Variants in ZPBP observed in about 807,000 individuals in gnomAD.
ZPBP encodes zona pellucida-binding protein 1.
Under a neutral mutation model 44.8 loss-of-function variants are expected in ZPBP, and 26 were observed. That is an observed-to-expected ratio of 0.58 (90% CI 0.43 to 0.81). ZPBP has a LOEUF of 0.81. Ranked by LOEUF, ZPBP falls within the 30% of genes least tolerant of loss-of-function variation. The pLI, the probability that ZPBP is intolerant of heterozygous loss-of-function variation, is 0.00. For missense variants in ZPBP, 409 were observed against 434.0 expected, an observed-to-expected ratio of 0.94 and a Z score of 0.51; for synonymous variants, 174 against 153.2, an observed-to-expected ratio of 1.14 and a Z score of -1.00.
rs200921057 is a variant in ZPBP, at chr7:50,089,677, G to A, written c.160C>T (p.Arg54Cys). 1.6e-5 allele frequency: 25 copies of A among 1,611,218 alleles called. No homozygotes were observed. The highest frequency in any genetic ancestry group is 4.4e-5 in the South Asian group (4 of 90,688). ...ATTTTCACTGAATCTTTGGTCAAGC[G>A]AAAAGCTCTTGGTAATCGAACCAAG... ...GHLVRLPRAF[R>C]LTKDSVKIVG... Residue 54 changes from arginine (R) to cysteine (C), a missense_variant, in exon 2 of 8, where the codon CGC becomes TGC. Coordinates refer to ENST00000046087, the MANE Select transcript of ZPBP (RefSeq NM_007009.3).
chr7:49,980,204 TGTTATATAATATAAA>T (rs1156990197), intron 7 of ZPBP, among the ~76,000 whole-genome samples: 3 of 118,962 alleles, frequency 2.5e-5, no homozygotes, highest in Non-Finnish European at 4.8e-5. Context: ...TTATGTTATA[TGTTATATAATATAAA>T]ATTATATAAT....
chr7:49,985,114 T>C lies in ZPBP; in HGVS notation c.784-1595A>G, dbSNP rs115392157. ...TGATGGAATGGTACCCTGTCCAGCG[T>C]TGGTTCCCACCTTGAGCGCTGAGCT... On this transcript the variant is annotated intron_variant, in intron 6 of 7. Coordinates refer to ENST00000046087, the MANE Select transcript of ZPBP (RefSeq NM_007009.3). Among the ~76,000 whole-genome samples, 1,159 of 152,326 alleles carry C rather than the reference T, an allele frequency of 7.6e-3. 24 individuals are homozygous for C. The highest frequency in any genetic ancestry group is 0.026 in the African/African-American group (1,093 of 41,566).
At chr7:50,077,100 C>T (rs570979327) in intron 3 of ZPBP, among the ~76,000 whole-genome samples, 3 of 151,728 alleles carry the variant, frequency 2.0e-5, no homozygotes, top group Non-Finnish European at 4.4e-5. Flanking sequence ...ATCCACACAT[C>T]TACGGTGAAT....
chr7:50,029,919 G>A (rs1299687750), intron 5 of ZPBP, among the ~76,000 whole-genome samples: 2 of 152,134 alleles, frequency 1.3e-5, no homozygotes, highest in East Asian at 1.9e-4. Flanking sequence ...GCAGTGGCAC[G>A]ATCTCGGCTC....
At chr7:49,896,539 G>A (rs980034262) in intron 2 of ZPBP, among the ~76,000 whole-genome samples, 5 of 152,134 alleles carry the variant, frequency 3.3e-5, no homozygotes, top group Admixed American at 6.6e-5. Flanking sequence ...TAGTAAAGAT[G>A]AGAACAAAAA....
intron 2 of ZPBP, among the ~76,000 whole-genome samples, chr7:49,893,041 A>T (rs1355825913): frequency 3.9e-5 from 6 of 152,208 alleles, no homozygotes; most frequent in African/African-American, 1.4e-4. Flanking sequence ...CTATATTGGA[A>T]TATGAACTTT....
At chr7:49,856,229 T>C (rs1790411359) in intron 2 of ZPBP, among the ~76,000 whole-genome samples, 1 of 152,134 alleles carries the variant, frequency 6.6e-6, no homozygotes, top group Admixed American at 6.5e-5. Context: ...GTTTGAGTCA[T>C]GAGGGTGGAT....
intron 2 of ZPBP, among the ~76,000 whole-genome samples, chr7:49,899,321 G>C (rs916412707): frequency 6.6e-6 from 1 of 151,956 alleles, no homozygotes; most frequent in Admixed American, 6.5e-5. Context: ...ATGCTATTTA[G>C]AGCAGTGCAA....
chr7:49,968,642 T>A (rs1315925262), intron 7 of ZPBP, among the ~76,000 whole-genome samples: 1 of 152,068 alleles, frequency 6.6e-6, no homozygotes, highest in Non-Finnish European at 1.5e-5. Flanking sequence ...GCTAGTATAA[T>A]ATGCCAGGCC....
chr7:49,938,868 T>A (rs1261637275), intron 7 of ZPBP, among the ~76,000 whole-genome samples: 1 of 152,242 alleles, frequency 6.6e-6, no homozygotes, highest in Non-Finnish European at 1.5e-5. Context: ...CACACTATAT[T>A]TTAAATTTTA....
intron 6 of ZPBP, among the ~76,000 whole-genome samples, chr7:50,011,907 G>A (rs987546674): frequency 2.0e-5 from 3 of 151,616 alleles, no homozygotes; most frequent in Non-Finnish European, 2.9e-5. Flanking sequence ...AAAATTGGCC[G>A]GGCATGGTGG....
rs186639321 is a variant in ZPBP at position 49,856,221 on chromosome 7, T to C, written n.510-5707A>G. 2.4e-4 allele frequency among the ~76,000 whole-genome samples: 37 copies of C among 152,244 alleles called. No individual in the cohort carries two copies. The East Asian group carries it at 4.1e-3, about 17-fold the overall frequency. On this transcript the variant is annotated intron_variant and non_coding_transcript_variant, in intron 2 of 2. Coordinates refer to the ZPBP transcript ENST00000465922. ...GGAGATGGGGCCTAGTGGGAGGTGTTTGAGTCATGAGGGTGGATTCTGCAT... is the reference window on the plus strand; with the variant it reads ...GGAGATGGGGCCTAGTGGGAGGTGTCTGAGTCATGAGGGTGGATTCTGCAT...
intron 4 of ZPBP, among the ~76,000 whole-genome samples, chr7:50,057,276 G>A (rs1002710014): frequency 6.6e-6 from 1 of 151,840 alleles, no homozygotes; most frequent in African/African-American, 2.4e-5. Flanking sequence ...AGACTTGGGG[G>A]ATATGCCTGC....
At chr7:49,957,218 T>C (rs1306139271) in intron 7 of ZPBP, among the ~76,000 whole-genome samples, 1 of 152,224 alleles carries the variant, frequency 6.6e-6, no homozygotes, top group Non-Finnish European at 1.5e-5. Context: ...GAGAAATACA[T>C]TTCTGTTCTT....
intron 1 of ZPBP, chr7:49,916,598 T>C (rs554407531): frequency 6.6e-6 from 1 of 152,350 alleles, no homozygotes; most frequent in Non-Finnish European, 1.5e-5. Context: ...TACAAATCCC[T>C]TTAGTTTGGG....
chr7:49,979,982 A>T (rs1305566699), intron 7 of ZPBP, among the ~76,000 whole-genome samples: 22 of 105,284 alleles, frequency 2.1e-4, no homozygotes, highest in African/African-American at 7.9e-4. Flanking sequence ...ATTATATATT[A>T]ATATAATTTT....
intron 2 of ZPBP, among the ~76,000 whole-genome samples, chr7:49,858,789 T>A (rs945491563): frequency 2.0e-5 from 3 of 152,234 alleles, no homozygotes; most frequent in African/African-American, 7.2e-5. Context: ...CTTATGTAGA[T>A]AGTATTAAAA....
downstream of ZPBP, among the ~76,000 whole-genome samples, chr7:49,849,119 G>A (rs1308087973): frequency 2.0e-5 from 3 of 152,114 alleles, no homozygotes; most frequent in Non-Finnish European, 4.4e-5. Context: ...ATTTCTCAGA[G>A]TTTGACTTAC....
chr7:49,916,454 T>C (rs1234673701), intron 1 of ZPBP: 3 of 152,232 alleles, frequency 2.0e-5, no homozygotes, highest in Non-Finnish European at 2.9e-5. Flanking sequence ...AAGGCTTCTG[T>C]AGTTCTTATT....
Sources: allele counts gnomAD v4.1 joint callset (sites outside exome capture counted in the v4.1 genomes callset), GRCh38; gene constraint gnomAD v4.1.1; transcripts MANE v1.5; gene names NCBI Gene and HGNC (gene_info 2026-07-23, HGNC 2026-07-21).